ZNF365: variants seen among roughly 807,000 people sequenced by gnomAD.
ZNF365 encodes the protein zinc finger protein 365.
ZNF365 carries 22 observed loss-of-function variants against 35.0 expected under a neutral mutation model. The observed-to-expected ratio is 0.63, with a 90% CI of 0.45 to 0.90. The LOEUF (loss-of-function observed/expected upper bound fraction) is 0.90. Ranked by LOEUF, ZNF365 falls within the 40% of genes least tolerant of loss-of-function variation. The pLI is 0.00. For synonymous variants in ZNF365, 188 were observed against 196.2 expected (o/e 0.96, Z 0.35); for missense variants, 448 against 500.3 (o/e 0.90, Z 1.00).
chr10:62,463,829 A>C (rs955824302), intron 4 of ZNF365, among the ~76,000 whole-genome samples: 16 of 152,172 alleles, frequency 1.1e-4, no homozygotes, highest in African/African-American at 3.6e-4. Flanking sequence ...TTCTAGTAGA[A>C]GGACTTGCTC....
At chr10:62,440,550 G>C (rs1177326289) in intron 3 of ZNF365, among the ~76,000 whole-genome samples, 2 of 152,090 alleles carry the variant, frequency 1.3e-5, no homozygotes, top group Non-Finnish European at 2.9e-5. Context: ...GAATAAGTAG[G>C]GGGAGAGAGA....
intron 2 of ZNF365, among the ~76,000 whole-genome samples, chr10:62,377,654 T>C (rs1196564160): frequency 6.6e-6 from 1 of 152,232 alleles, no homozygotes; most frequent in Non-Finnish European, 1.5e-5. Context: ...AAGCTATTGC[T>C]TGAGAAATCA....
At chr10:62,375,059 T>C (rs982878919) in intron 1 of ZNF365, among the ~76,000 whole-genome samples, 13 of 152,088 alleles carry the variant, frequency 8.5e-5, no homozygotes, top group Non-Finnish European at 1.5e-4. Flanking sequence ...TTTGAAGAGG[T>C]TGAGGACACT....
chr10:62,413,254 A>G (rs1394144994), intron 3 of ZNF365, among the ~76,000 whole-genome samples: 2 of 152,050 alleles, frequency 1.3e-5, no homozygotes, highest in Admixed American at 1.3e-4. Flanking sequence ...AGTTCCTCCG[A>G]CTCATACTAG....
intron 4 of ZNF365, among the ~76,000 whole-genome samples, chr10:62,477,966 C>T (rs1237584222): frequency 6.6e-6 from 1 of 152,168 alleles, no homozygotes; most frequent in African/African-American, 2.4e-5. Context: ...TCTCACAGTC[C>T]ACCTTTCTGG....
At position 62,393,290 on chromosome 10, in the gene ZNF365, T is replaced by C. The variant is rs1256954532; in HGVS notation, c.924+4714T>C. 3.3e-5 allele frequency among the ~76,000 whole-genome samples: 5 copies of C among 152,358 alleles called. No homozygotes were observed. In the East Asian group the frequency reaches 9.6e-4, roughly 29 times the overall value. Reference sequence around the variant, plus strand: ...TAGAAAGATTAAAAGTATAGTATAGTAAATACACAAACCGGTAGCCTAGTC... The same window carrying C: ...TAGAAAGATTAAAAGTATAGTATAGCAAATACACAAACCGGTAGCCTAGTC... On this transcript the variant is annotated intron_variant, in intron 3 of 4. Coordinates refer to ENST00000395254, the MANE Select transcript of ZNF365 (RefSeq NM_014951.3).
Position 62,400,603 on chromosome 10 carries a change from G to A in ZNF365, c.*814G>A. On this transcript the variant is annotated 3_prime_UTR_variant, in exon 5 of 5. Transcript: ENST00000395254. Reference sequence around the variant, plus strand: ...ATTAGCACCCAGCATGGGCTGGGTGGCTAGGTGGTTGGAATGACAGTGGAC... The same window carrying A: ...ATTAGCACCCAGCATGGGCTGGGTGACTAGGTGGTTGGAATGACAGTGGAC... The A allele has an allele frequency of 2.0e-6, 2 of 985,970 alleles. No individual in the cohort carries two copies. The highest frequency in any genetic ancestry group is 2.4e-6 in the Non-Finnish European group (2 of 829,968). The allele number at this position is 985,970 out of a possible 1,614,324, so 61.1% of individuals were successfully genotyped here.
chr10:62,390,445 T>A (rs1839607861), intron 3 of ZNF365, among the ~76,000 whole-genome samples: 1 of 152,248 alleles, frequency 6.6e-6, no homozygotes, highest in Non-Finnish European at 1.5e-5. Flanking sequence ...TTCTCTCTTT[T>A]AAAATTGTTT....
chr10:62,388,295 G>A (rs1273868901), intron 2 of ZNF365, 101 bp from the exon 3 acceptor site: 1 of 1,281,170 alleles, frequency 7.8e-7, no homozygotes, highest in Non-Finnish European at 1.1e-6. Flanking sequence ...ACTGCCTAGG[G>A]TGTTAACTGA....
At chr10:62,438,436 C>A (rs912485908) in intron 3 of ZNF365, among the ~76,000 whole-genome samples, 1 of 152,056 alleles carries the variant, frequency 6.6e-6, no homozygotes, top group African/African-American at 2.4e-5. Context: ...GATACACCCG[C>A]GTTGGCCTCC....
chr10:62,392,735 A>G (rs889005718), intron 3 of ZNF365, among the ~76,000 whole-genome samples: 1 of 151,938 alleles, frequency 6.6e-6, no homozygotes, highest in Non-Finnish European at 1.5e-5. Context: ...GGTTCAAGTG[A>G]TTCTCCTGCC....
At chr10:62,436,164 T>G (rs927211440) in intron 3 of ZNF365, among the ~76,000 whole-genome samples, 1 of 152,156 alleles carries the variant, frequency 6.6e-6, no homozygotes, top group Non-Finnish European at 1.5e-5. Context: ...CACCATCTAA[T>G]GTATTATAAA....
chr10:62,444,862 T>A (rs907270483), intron 3 of ZNF365, among the ~76,000 whole-genome samples: 1 of 152,110 alleles, frequency 6.6e-6, no homozygotes, highest in African/African-American at 2.4e-5. Context: ...GCCATGCTGG[T>A]GTGCTGCACC....
intron 3 of ZNF365, among the ~76,000 whole-genome samples, chr10:62,425,281 C>T (rs1407246557): frequency 6.6e-6 from 1 of 151,856 alleles, no homozygotes; most frequent in Non-Finnish European, 1.5e-5. Context: ...ATTTTATTAC[C>T]TAAAATGTAA....
At chr10:62,389,818 A>C (rs111263247) in intron 3 of ZNF365, among the ~76,000 whole-genome samples, 1 of 152,236 alleles carries the variant, frequency 6.6e-6, no homozygotes. Context: ...AGTGTGTTAC[A>C]TCTGTGAGGT....
Position 62,401,142 on chromosome 10 carries a change from A to G in ZNF365, c.*1353A>G, listed in dbSNP as rs986195622. On this transcript the variant is annotated 3_prime_UTR_variant, in exon 5 of 5. Coordinates refer to ENST00000395254, the MANE Select transcript of ZNF365 (RefSeq NM_014951.3). Reference sequence around the variant, plus strand: ...TCCACAAATATATACATATATACATATATATAACACATACAAAATATATAT... The same window carrying G: ...TCCACAAATATATACATATATACATGTATATAACACATACAAAATATATAT... The G allele has an allele frequency of 2.1e-6, 2 of 959,518 alleles. No individual in the cohort carries two copies. Among genetic ancestry groups the G allele is most frequent in the African/African-American group, 3.5e-5 (2 of 56,704 alleles). The allele number at this position is 959,518 out of a possible 1,614,324, so 59.4% of individuals were successfully genotyped here.
chr10:62,477,629 GTGGCTTC>G (rs1427022495), intron 4 of ZNF365, among the ~76,000 whole-genome samples: 1 of 152,144 alleles, frequency 6.6e-6, no homozygotes, highest in Non-Finnish European at 1.5e-5. Flanking sequence ...TCAAGTCTTA[GTGGCTTC>G]CAACATCAAA....
Position 62,399,681 on chromosome 10 carries a change from C to T in ZNF365, c.1116C>T (p.Asp372=), listed in dbSNP as rs1839792707. 1 of 1,614,154 alleles carries T rather than the reference C, an allele frequency of 6.2e-7. No individual in the cohort carries two copies. The highest frequency in any genetic ancestry group is 1.3e-5 in the African/African-American group (1 of 75,034). ...ACGAACAGGCTGAGTCCTCAAGAGA[C>T]CTCTGCAGACCTCCAAAGAAAGGGG... ...AIHEQAESSR[D]LCRPPKKGEL... The change falls in exon 5 of 5, where the codon GAC becomes GAT. Residue 372 remains aspartate, a synonymous_variant. Coordinates refer to ENST00000395254, the MANE Select transcript of ZNF365 (RefSeq NM_014951.3).
In ZNF365 at chr10:62,402,292, T is replaced by C. The variant is rs930892208; in HGVS notation, c.*2503T>C. ...CTTTTTCCCTTTTTCCCAAACTAGG[T>C]TACAGGTTCTTATCTGCAAGGTTCA... is the stretch of plus-strand genomic sequence containing the variant. On this transcript the variant is annotated 3_prime_UTR_variant, in exon 5 of 5. Transcript: ENST00000395254. 9 of 985,662 alleles carry C rather than the reference T, an allele frequency of 9.1e-6. No individual in the cohort carries two copies. The highest frequency in any genetic ancestry group is 1.1e-5 in the Non-Finnish European group (9 of 829,916). The allele number at this position is 985,662 out of a possible 1,614,324, so 61.1% of individuals were successfully genotyped here.
Sources: allele counts gnomAD v4.1 joint callset (sites outside exome capture counted in the v4.1 genomes callset), GRCh38; gene constraint gnomAD v4.1.1; transcripts MANE v1.5; gene names NCBI Gene and HGNC (gene_info 2026-07-23, HGNC 2026-07-21).